The following DYNC2H1 variants were observed in gnomAD, a reference collection of about 807,000 sequenced individuals.
DYNC2H1 encodes cytoplasmic dynein 2 heavy chain 1.
A neutral mutation model predicts 570.0 loss-of-function variants in DYNC2H1; 410 were observed. The ratio of observed to expected loss-of-function variants is 0.72; its 90% CI spans 0.66 to 0.78. The LOEUF is 0.78. Among genes scored for constraint, DYNC2H1 ranks in the 30% least tolerant of loss-of-function variants. The pLI, the probability that DYNC2H1 is intolerant of heterozygous loss-of-function variation, is 0.00. For synonymous variants in DYNC2H1, 1,688 were observed against 1,677.6 expected, an observed-to-expected ratio of 1.01 and a Z score of -0.15; for missense variants, 4,865 against 5,046.4, an observed-to-expected ratio of 0.96 and a Z score of 1.09.
chr11:103,410,881 T>A (rs1428588382), intron 84 of DYNC2H1, among the ~76,000 whole-genome samples: 1 of 152,186 alleles, frequency 6.6e-6, no homozygotes, highest in Non-Finnish European at 1.5e-5. Flanking sequence ...AACGTTCATT[T>A]ATTACTAAAT....
intron 87 of DYNC2H1, among the ~76,000 whole-genome samples, chr11:103,459,643 T>C (rs1370609899): frequency 6.6e-6 from 1 of 152,006 alleles, no homozygotes; most frequent in African/African-American, 2.4e-5. Context: ...TAGACTGCCA[T>C]AAAATTCTCA....
chr11:103,114,903 A>G (rs967938239), intron 3 of DYNC2H1, among the ~76,000 whole-genome samples: 2 of 152,112 alleles, frequency 1.3e-5, no homozygotes, highest in African/African-American at 4.8e-5. Context: ...TTGGAACACT[A>G]GACAGCAATT....
At chr11:103,214,784 T>G (rs1863313538) in intron 54 of DYNC2H1, among the ~76,000 whole-genome samples, 1 of 137,694 alleles carries the variant, frequency 7.3e-6, no homozygotes, top group Admixed American at 6.9e-5. Flanking sequence ...ATGAGATGTC[T>G]TTCCCTTTTT....
intron 70 of DYNC2H1, among the ~76,000 whole-genome samples, chr11:103,262,380 AC>A (rs1482068703): frequency 1.3e-5 from 2 of 152,142 alleles, no homozygotes; most frequent in African/African-American, 4.8e-5. Context: ...GAGAAGAGCA[AC>A]CCCAAGACAC....
At chr11:103,266,808 C>A (rs940356287) in intron 70 of DYNC2H1, among the ~76,000 whole-genome samples, 3 of 152,114 alleles carry the variant, frequency 2.0e-5, no homozygotes, top group African/African-American at 7.2e-5. Flanking sequence ...TGCAAGCAGG[C>A]GTGGCCAGAT....
At chr11:103,353,234 C>T (rs1940139250) in intron 82 of DYNC2H1, among the ~76,000 whole-genome samples, 2 of 152,138 alleles carry the variant, frequency 1.3e-5, no homozygotes, top group Non-Finnish European at 2.9e-5. Flanking sequence ...CAGCAAACCA[C>T]CATGGCACAC....
In DYNC2H1 at chr11:103,238,582, TACAC is replaced by T. The variant is rs10571344; in HGVS notation, c.9819+2062_9819+2065del. On this transcript the variant is annotated intron_variant, in intron 63 of 88. Transcript: ENST00000375735. ...TGAAACTTCTCAAAACACACACACA[TACAC>T]ACACACACACACACACACCCCAATG... 5.7e-3 allele frequency among the ~76,000 whole-genome samples: 858 copies of T among 149,702 alleles called. 20 individuals carry two copies. In the East Asian group the frequency reaches 0.084, roughly 15 times the overall value.
chr11:103,459,970 A>C (rs536301238), intron 87 of DYNC2H1, among the ~76,000 whole-genome samples: 16 of 137,382 alleles, frequency 1.2e-4, no homozygotes, highest in African/African-American at 1.8e-4. Flanking sequence ...AAAAAAAAAG[A>C]AAAAAAAAAA....
chr11:103,436,006 CT>C lies in DYNC2H1; in HGVS notation c.12432del (p.Val4145LeufsTer11), dbSNP rs764134800. 1 of 1,612,498 alleles carries C rather than the reference CT, an allele frequency of 6.2e-7. No individual in the cohort carries two copies. Among genetic ancestry groups the C allele is most frequent in the South Asian group, 1.1e-5 (1 of 91,028 alleles). On this transcript the variant is annotated frameshift_variant, in exon 85 of 89. Coordinates refer to ENST00000375735, the MANE Select transcript of DYNC2H1 (RefSeq NM_001377.3). LOFTEE classifies it high-confidence loss of function. ...AGATCCCTTACAATACCTGAGAGGT[CT>C]TGTTGCCCGTGCCCTTGCAATACAG... Reference protein sequence around the residue: ...PEDPLQYLRGLVARALAIQNW... With the variant: ...PEDPLQYLRGXVARALAIQNW...
In DYNC2H1 at chr11:103,149,851, G is replaced by A. The variant is rs576249971; in HGVS notation, c.2946+1234G>A. Among the ~76,000 whole-genome samples the A allele has an allele frequency of 1.3e-3, 203 of 152,046 alleles. 1 individual carries two copies. The highest frequency in any genetic ancestry group is 4.8e-3 in the African/African-American group (199 of 41,496). ...GGAGGAGAGAAGTGAGGATGAGTAT[G>A]CTCAACTAGGGGTTATTACTTAGGG... On this transcript the variant is annotated intron_variant, in intron 20 of 88. Coordinates refer to ENST00000375735, the MANE Select transcript of DYNC2H1 (RefSeq NM_001377.3).
In DYNC2H1 at chr11:103,333,050, G is replaced by A. The variant is rs200065170; in HGVS notation, c.12039+9060G>A. 7.2e-3 allele frequency among the ~76,000 whole-genome samples: 567 copies of A among 78,600 alleles called. 2 individuals carry two copies. Among genetic ancestry groups the A allele is most frequent in the African/African-American group, 0.022 (533 of 23,696 alleles). 51.6% of individuals were successfully genotyped at this position (78,600 alleles called of 152,430 possible). Reference sequence around the variant, plus strand: ...AATAAAACAGAATTTATTGCCAGCAGACTTTATAAGATTGTTACAGGAAGT... The same window carrying A: ...AATAAAACAGAATTTATTGCCAGCAAACTTTATAAGATTGTTACAGGAAGT... On this transcript the variant is annotated intron_variant, in intron 82 of 88. Coordinates refer to ENST00000375735, the MANE Select transcript of DYNC2H1 (RefSeq NM_001377.3).
chr11:103,454,184 C>T (rs756234157), intron 85 of DYNC2H1, among the ~76,000 whole-genome samples: 2 of 152,084 alleles, frequency 1.3e-5, no homozygotes, highest in Non-Finnish European at 2.9e-5. Flanking sequence ...GTACATGAAA[C>T]ACATCCTTTC....
rs1212648296 is a variant in DYNC2H1 at position 103,174,067 on chromosome 11, A to G, written c.5571A>G (p.Thr1857=). The G allele has an allele frequency of 6.3e-7, 1 of 1,583,648 alleles. No homozygotes were observed. The highest frequency in any genetic ancestry group is 8.6e-7 in the Non-Finnish European group (1 of 1,163,434). Residue 1857 remains threonine (T), a synonymous_variant, in exon 36 of 89, where the codon ACA becomes ACG. Transcript: ENST00000375735. Reference sequence around the variant, plus strand: ...GTCTCTATTTCAGGGAACTTTTGACACCTCAGCAACATTATGATTGGGGTT... The same window carrying G: ...GTCTCTATTTCAGGGAACTTTTGACGCCTCAGCAACATTATGATTGGGGTT... ...AIFNLSRELL[T]PQQHYDWGLR...
Position 103,384,149 on chromosome 11 carries a change from T to C in DYNC2H1, c.12157-15514T>C, listed in dbSNP as rs1941783205. ...TCCCATTTTATCCTTTAGTGTAAAATGTTTTAATTCAAAGCTTATACTACT... is the reference window on the plus strand; with the variant it reads ...TCCCATTTTATCCTTTAGTGTAAAACGTTTTAATTCAAAGCTTATACTACT... On this transcript the variant is annotated intron_variant, in intron 83 of 88. Transcript: ENST00000375735. 1.3e-5 allele frequency among the ~76,000 whole-genome samples: 2 copies of C among 152,208 alleles called. 1 individual carries two copies. The highest frequency in any genetic ancestry group is 4.1e-4 in the South Asian group (2 of 4,832).
rs144379430 is a variant in DYNC2H1 at position 103,325,335 on chromosome 11, A to G, written c.12039+1345A>G. 6.6e-6 allele frequency among the ~76,000 whole-genome samples: 1 copy of G among 152,212 alleles called. No homozygotes were observed. The highest frequency in any genetic ancestry group is 1.9e-4 in the East Asian group (1 of 5,176). Reference sequence around the variant, plus strand: ...CTAGGTTGTCTCCCATGGTTTTTATAGTTTTAGCTTTTACATTTAAGTCTT... The same window carrying G: ...CTAGGTTGTCTCCCATGGTTTTTATGGTTTTAGCTTTTACATTTAAGTCTT... On this transcript the variant is annotated intron_variant, in intron 82 of 88. Coordinates refer to ENST00000375735, the MANE Select transcript of DYNC2H1 (RefSeq NM_001377.3). This position sits in a 1 kb window ranked among gnomAD's most constrained non-coding sequence, Gnocchi z 4.8.
chr11:103,128,079 A>C (rs1441989648), intron 12 of DYNC2H1, among the ~76,000 whole-genome samples: 1 of 152,228 alleles, frequency 6.6e-6, no homozygotes, highest in Admixed American at 6.5e-5. Context: ...GGAATGGCAG[A>C]TGCAGAATTC....
rs1350824845 is a variant in DYNC2H1 at position 103,152,243 on chromosome 11, T to C, written c.3054T>C (p.Phe1018=). 6.2e-6 allele frequency: 10 copies of C among 1,607,918 alleles called. No homozygotes were observed. The highest frequency in any genetic ancestry group is 8.5e-6 in the Non-Finnish European group (10 of 1,178,010). ...ATTTGAAAGCCAAGTGGGATAAATT[T>C]GAGTTAATGATGGAAAGTCACCAAC... ...ISNLKAKWDK[F]ELMMESHQLM... The change falls in exon 21 of 89, where the codon TTT becomes TTC. Residue 1018 remains phenylalanine (F), a synonymous_variant. Coordinates refer to ENST00000375735, the MANE Select transcript of DYNC2H1 (RefSeq NM_001377.3).
chr11:103,296,830 T>C (rs1219810164), intron 75 of DYNC2H1, among the ~76,000 whole-genome samples: 1 of 152,074 alleles, frequency 6.6e-6, no homozygotes, highest in Non-Finnish European at 1.5e-5. Flanking sequence ...CACTATCCTA[T>C]TTTTTACTTC....
Position 103,256,690 on chromosome 11 carries a change from C to G in DYNC2H1, c.10461+450C>G, listed in dbSNP as rs979676053. On this transcript the variant is annotated intron_variant, in intron 68 of 88. Transcript: ENST00000375735. This position sits in a 1 kb window ranked among gnomAD's most constrained non-coding sequence, Gnocchi z 4.0. ...GAACAGTGCTGGGTACTTTATTATC[C>G]TAATGTGGACACCTGTTAGAGTCAT... 6.6e-6 allele frequency among the ~76,000 whole-genome samples: 1 copy of G among 152,042 alleles called. No homozygotes were observed. Among genetic ancestry groups the G allele is most frequent in the Non-Finnish European group, 1.5e-5 (1 of 67,982 alleles).
Sources: gnomAD v4.1 joint callset for allele counts (sites outside exome capture counted in the v4.1 genomes callset) on GRCh38, gnomAD v4.1.1 for gene constraint, Gnocchi (gnomAD v3.1) non-coding constraint, MANE v1.5 for transcripts, NCBI Gene and HGNC (gene_info 2026-07-23, HGNC 2026-07-21) for gene names.